Variants in RP1 observed in about 807,000 individuals in gnomAD.
RP1 encodes the protein RP1 axonemal microtubule associated.
In RP1, 16 loss-of-function variants were observed where a neutral mutation model predicts 14.8. That is an observed-to-expected ratio of 1.08 (90% CI 0.73 to 1.65). The LOEUF (loss-of-function observed/expected upper bound fraction) is 1.65. Among genes scored for constraint, RP1 ranks in the 40% most tolerant of loss-of-function variants. RP1 has a pLI of 0.00. For missense variants in RP1, 2,631 were observed against 2,535.0 expected, an observed-to-expected ratio of 1.04 and a Z score of -0.81; for synonymous variants, 876 against 883.6, an observed-to-expected ratio of 0.99 and a Z score of 0.15.
In RP1 at chr8:54,863,915, C is replaced by G. The variant is rs114183963; in HGVS notation, c.4070-1920C>G. On this transcript the variant is annotated intron_variant, in intron 27 of 28. Coordinates refer to the RP1 transcript ENST00000637698. ...GTTGGTGCTGGGTCATGGTGCATTT[C>G]TTATCAGTATATGCCTAGACAGCAA... 4.9e-3 allele frequency among the ~76,000 whole-genome samples: 740 copies of G among 152,312 alleles called. 2 individuals carry two copies. Among genetic ancestry groups the G allele is most frequent in the African/African-American group, 0.016 (674 of 41,560 alleles).
chr8:54,605,096 G>A, intron 1 of RP1, among the ~76,000 whole-genome samples: 1 of 151,942 alleles, frequency 6.6e-6, no homozygotes, highest in East Asian at 1.9e-4. Flanking sequence ...GAATGTGTTT[G>A]CTCTTGCTTC....
chr8:54,749,107 G>A (rs550261160), intron 19 of RP1, among the ~76,000 whole-genome samples: 2 of 152,130 alleles, frequency 1.3e-5, no homozygotes, highest in South Asian at 2.1e-4. Flanking sequence ...TTTGTGAAAA[G>A]TATTTTATAA....
intron 1 of RP1, among the ~76,000 whole-genome samples, chr8:54,585,148 C>G (rs1429046301): frequency 6.6e-6 from 1 of 152,190 alleles, no homozygotes; most frequent in Non-Finnish European, 1.5e-5. Context: ...CCGGTTGTTT[C>G]CATGTTCAGT....
chr8:54,740,759 A>G (rs948690209), intron 19 of RP1, among the ~76,000 whole-genome samples: 1 of 151,192 alleles, frequency 6.6e-6, no homozygotes, highest in Non-Finnish European at 1.5e-5. Context: ...AAAAAAGCTT[A>G]TGGGCCGGGT....
chr8:54,702,015 C>T (rs1362872697), intron 14 of RP1, among the ~76,000 whole-genome samples: 1 of 152,066 alleles, frequency 6.6e-6, no homozygotes, highest in Non-Finnish European at 1.5e-5. Flanking sequence ...GTGTTGTATA[C>T]ATTTGATCCT....
chr8:54,823,311 G>C (rs539433739), intron 24 of RP1, among the ~76,000 whole-genome samples: 1 of 152,224 alleles, frequency 6.6e-6, no homozygotes, highest in Admixed American at 6.5e-5. Context: ...GTGACCTTTT[G>C]AGACTGGCAG....
At chr8:54,670,523 G>A (rs858399) in intron 7 of RP1, among the ~76,000 whole-genome samples, 516 of 31,700 alleles carry the variant, frequency 0.016, 20 homozygotes, top group Middle Eastern at 0.033. Flanking sequence ...ATATGTATGT[G>A]TATATATATA....
intron 16 of RP1, among the ~76,000 whole-genome samples, chr8:54,723,974 T>G (rs759515625): frequency 6.6e-6 from 1 of 152,236 alleles, no homozygotes; most frequent in African/African-American, 2.4e-5. Flanking sequence ...TGGCTATTAG[T>G]AACCCCTCAA....
At chr8:54,811,380 A>G (rs1339233082) in intron 24 of RP1, among the ~76,000 whole-genome samples, 1 of 152,252 alleles carries the variant, frequency 6.6e-6, no homozygotes, top group East Asian at 1.9e-4. Context: ...AACAAAATGT[A>G]ACATTTTCTG....
intron 27 of RP1, among the ~76,000 whole-genome samples, chr8:54,861,790 G>A (rs953825275): frequency 1.3e-5 from 2 of 152,078 alleles, no homozygotes; most frequent in Non-Finnish European, 2.9e-5. Flanking sequence ...TTTTAGTAGA[G>A]ACGGGGTTTT....
rs1432026349 is a variant in RP1, at chr8:54,620,976, A to C, written c.10A>C (p.Thr4Pro). 2.5e-6 allele frequency: 4 copies of C among 1,614,028 alleles called. No individual in the cohort carries two copies. Residue 4 changes from threonine to proline, a missense_variant, in exon 2 of 4, where the codon ACC becomes CCC. Coordinates refer to ENST00000220676, the MANE Select transcript of RP1 (RefSeq NM_006269.2). ...CTAGGTCTCAGCCAAAATGAGTGATACCCCTTCTACTGGTTTTTCCATCAT... is the reference window on the plus strand; with the variant it reads ...CTAGGTCTCAGCCAAAATGAGTGATCCCCCTTCTACTGGTTTTTCCATCAT... MSD[T>P]PSTGFSIIHP...
intron 22 of RP1, among the ~76,000 whole-genome samples, chr8:54,761,235 T>TTTA (rs1393149403): frequency 1.6e-5 from 2 of 125,738 alleles, no homozygotes; most frequent in East Asian, 4.1e-4. Context: ...CTACCTTACT[T>TTTA]TTTTTTTTTT....
chr8:54,858,272 G>C (rs17322443), intron 27 of RP1, among the ~76,000 whole-genome samples: 5,918 of 152,244 alleles, frequency 0.039, 147 homozygotes, highest in African/African-American at 0.058. Context: ...GTTCAGGATC[G>C]TATAGAGGAA....
chr8:54,868,955 T>C (rs573800361), intron 28 of RP1, among the ~76,000 whole-genome samples: 2 of 152,284 alleles, frequency 1.3e-5, no homozygotes, highest in East Asian at 3.9e-4. Context: ...ATCTGTTGTA[T>C]TGCTGTAGAG....
At chr8:54,586,894 ACC>A (rs1053399772) in intron 1 of RP1, among the ~76,000 whole-genome samples, 16 of 151,878 alleles carry the variant, frequency 1.1e-4, no homozygotes, top group African/African-American at 3.9e-4. Flanking sequence ...GCCGTCTGTC[ACC>A]CCTTTATTTG....
chr8:54,594,559 T>C (rs1000437016), intron 1 of RP1, among the ~76,000 whole-genome samples: 1 of 152,252 alleles, frequency 6.6e-6, no homozygotes, highest in African/African-American at 2.4e-5. Context: ...ATTTAAATCA[T>C]TTTTACAATA....
chr8:54,798,425 C>G (rs1810625438), intron 24 of RP1, among the ~76,000 whole-genome samples: 1 of 152,092 alleles, frequency 6.6e-6, no homozygotes, highest in Admixed American at 6.5e-5. Flanking sequence ...TATGAAGACT[C>G]CAGGAATACA....
Position 54,626,323 on chromosome 8 carries a change from T to C in RP1, c.2441T>C (p.Phe814Ser), listed in dbSNP as rs1257862814. 14 of 1,613,456 alleles carry C rather than the reference T, an allele frequency of 8.7e-6. No homozygotes were observed. Among genetic ancestry groups the C allele is most frequent in the African/African-American group, 1.3e-5 (1 of 74,836 alleles). Residue 814 changes from phenylalanine (F) to serine (S), a missense_variant, in exon 4 of 4, where the codon TTT (phenylalanine) becomes TCT (serine). Transcript: ENST00000220676. The stretch of plus-strand genomic sequence containing the variant: ...GAATCTAAATATTGCAAAAGTACTT[T>C]TGAAAACAAAAGTTTATTTCATGTA... ...HNESKYCKST[F>S]ENKSLFHVFN...
rs140786600 is a variant in RP1 at position 54,826,469 on chromosome 8, A to G, written c.3616-10981A>G. On this transcript the variant is annotated intron_variant, in intron 24 of 28. Transcript: ENST00000637698. Reference sequence around the variant, plus strand: ...ACTGTGGAGTTCTTTGTTCCATGATATTTCTTTGAAGATACAAGTTGTTTC... The same window carrying G: ...ACTGTGGAGTTCTTTGTTCCATGATGTTTCTTTGAAGATACAAGTTGTTTC... Among the ~76,000 whole-genome samples the G allele has an allele frequency of 6.3e-4, 96 of 152,326 alleles. 1 individual carries two copies. The highest frequency in any genetic ancestry group is 1.1e-3 in the Non-Finnish European group (76 of 68,020).
Sources: gnomAD v4.1 joint callset for allele counts (sites outside exome capture counted in the v4.1 genomes callset) on GRCh38, gnomAD v4.1.1 for gene constraint, MANE v1.5 for transcripts, NCBI Gene and HGNC (gene_info 2026-07-23, HGNC 2026-07-21) for gene names.